The following ATR variants were observed in gnomAD, a reference collection of about 807,000 sequenced individuals.
The protein encoded by ATR is serine/threonine-protein kinase ATR.
ATR carries 142 observed loss-of-function variants against 305.3 expected under a neutral mutation model. The ratio of observed to expected loss-of-function variants is 0.47; its 90% CI spans 0.41 to 0.53. The LOEUF is 0.53. Among genes scored for constraint, ATR ranks in the 20% least tolerant of loss-of-function variants. ATR has a pLI of 0.00. For missense variants in ATR, 2,135 were observed against 3,133.1 expected, an observed-to-expected ratio of 0.68 and a Z score of 7.60; for synonymous variants, 1,050 against 1,068.1, an observed-to-expected ratio of 0.98 and a Z score of 0.33.
intron 10 of ATR, among the ~76,000 whole-genome samples, chr3:142,555,254 G>GA (rs2034624949): frequency 1.5e-5 from 1 of 67,986 alleles, no homozygotes; most frequent in Non-Finnish European, 4.1e-5. Context: ...AAAAAAAAAA[G>GA]AAAAAAAGAA....
chr3:142,496,418 T>C lies in ATR; in HGVS notation c.5841A>G (p.Ala1947=), dbSNP rs1462920081. Residue 1947 remains alanine (A), a synonymous_variant, in exon 34 of 47, where the codon GCA becomes GCG. Transcript: ENST00000350721. The part of the protein sequence containing the change: ...HQTAYNALLN[A]GESRLAELYV... ...ACAGTTCAGCGAGTCGTGATTCCCCTGCATTAAGGAGAGCATTGTAGGCTG... is the reference window on the plus strand; with the variant it reads ...ACAGTTCAGCGAGTCGTGATTCCCCCGCATTAAGGAGAGCATTGTAGGCTG... The C allele has an allele frequency of 2.5e-6, 4 of 1,607,732 alleles. No homozygotes were observed. The highest frequency in any genetic ancestry group is 1.7e-5 in the Admixed American group (1 of 59,318).
chr3:142,489,736 T>C (rs1363149429), intron 35 of ATR, among the ~76,000 whole-genome samples: 1 of 152,188 alleles, frequency 6.6e-6, no homozygotes, highest in East Asian at 1.9e-4. Context: ...CTATTTCCAG[T>C]TTTTGTGACT....
rs1221573502 is a variant in ATR at position 142,513,491 on chromosome 3, T to C, written c.4641+10A>G. The C allele has an allele frequency of 1.2e-6, 2 of 1,613,008 alleles. No individual in the cohort carries two copies. Among genetic ancestry groups the C allele is most frequent in the African/African-American group, 1.3e-5 (1 of 74,906 alleles). On this transcript the variant is annotated intron_variant, in intron 26 of 46. Coordinates refer to ENST00000350721, the MANE Select transcript of ATR (RefSeq NM_001184.4). Reference sequence around the variant, plus strand: ...CATGTTCAAAAACCAAGTAAGATGATTTATCTCACCTCCTGCTGATCTTCT... The same window carrying C: ...CATGTTCAAAAACCAAGTAAGATGACTTATCTCACCTCCTGCTGATCTTCT...
At chr3:142,489,076 C>T (rs960295625) in intron 35 of ATR, among the ~76,000 whole-genome samples, 4 of 152,116 alleles carry the variant, frequency 2.6e-5, no homozygotes, top group Non-Finnish European at 5.9e-5. Context: ...TGGCTCACAA[C>T]TATAATCCCA....
intron 29 of ATR, among the ~76,000 whole-genome samples, chr3:142,504,170 C>T (rs1429964983): frequency 6.6e-6 from 1 of 152,140 alleles, no homozygotes; most frequent in Non-Finnish European, 1.5e-5. Flanking sequence ...AACCCCTTTC[C>T]CATTCCAATA....
intron 3 of ATR, among the ~76,000 whole-genome samples, chr3:142,564,546 C>T (rs1245191370): frequency 6.6e-6 from 1 of 152,172 alleles, no homozygotes; most frequent in African/African-American, 2.4e-5. Flanking sequence ...TGAGTGGTGA[C>T]TCTGTCTCAG....
chr3:142,527,459 GA>G (rs1357977144), intron 21 of ATR, among the ~76,000 whole-genome samples: 2 of 152,160 alleles, frequency 1.3e-5, no homozygotes, highest in East Asian at 3.9e-4. Flanking sequence ...TATATTCCAG[GA>G]AAAGTATACA....
chr3:142,524,142 AC>A lies in ATR; in HGVS notation c.4002del (p.Gln1334HisfsTer3). 6.2e-7 allele frequency: 1 copy of A among 1,614,096 alleles called. No individual in the cohort carries two copies. Among genetic ancestry groups the A allele is most frequent in the Non-Finnish European group, 8.5e-7 (1 of 1,179,978 alleles). On this transcript the variant is annotated frameshift_variant, in exon 22 of 47. Transcript: ENST00000350721. LOFTEE classifies it high-confidence loss of function. The stretch of plus-strand genomic sequence containing the variant: ...CAACCTTTCAAAAGCACTGTCACCA[AC>A]TGTGAGATAATAGGTTCTACTGTTT... ...DSETVEPIIS[Q>X]LVTVLLKGCQ...
chr3:142,520,288 A>C (rs902986386), intron 23 of ATR, among the ~76,000 whole-genome samples: 2 of 152,100 alleles, frequency 1.3e-5, no homozygotes, highest in African/African-American at 4.8e-5. Context: ...AATTAGGCCA[A>C]TTAATGACCC....
rs2071227090 is a variant in ATR at position 142,470,201 on chromosome 3, A to T, written c.6222-18T>A. ...GTAGAGATCTGCAATTATATAGACAAGAAACACTATTAGCATAGCTGTCAT... is the reference window on the plus strand; with the variant it reads ...GTAGAGATCTGCAATTATATAGACATGAAACACTATTAGCATAGCTGTCAT... On this transcript the variant is annotated intron_variant, in intron 36 of 46. Transcript: ENST00000350721. 6.5e-7 allele frequency: 1 copy of T among 1,533,952 alleles called. No individual in the cohort carries two copies. Among genetic ancestry groups the T allele is most frequent in the South Asian group, 1.1e-5 (1 of 88,882 alleles).
At chr3:142,477,127 C>A (rs2029898889) in intron 36 of ATR, among the ~76,000 whole-genome samples, 1 of 152,166 alleles carries the variant, frequency 6.6e-6, no homozygotes, top group Admixed American at 6.6e-5. Context: ...ACTTCCAACA[C>A]TATGTTGAAT....
At chr3:142,564,902 C>T (rs956963131) in intron 3 of ATR, among the ~76,000 whole-genome samples, 1 of 152,032 alleles carries the variant, frequency 6.6e-6, no homozygotes, top group Admixed American at 6.6e-5. Flanking sequence ...CAGGCATGTG[C>T]CACCATGTTC....
chr3:142,545,821 G>A (rs1286951279), intron 16 of ATR, among the ~76,000 whole-genome samples: 1 of 152,164 alleles, frequency 6.6e-6, no homozygotes, highest in East Asian at 1.9e-4. Flanking sequence ...TGCTTCTCAG[G>A]TTTTGTCTCA....
intron 2 of ATR, among the ~76,000 whole-genome samples, chr3:142,567,516 C>A (rs1011700562): frequency 1.3e-5 from 2 of 152,298 alleles, no homozygotes; most frequent in Middle Eastern, 3.4e-3. Context: ...AGCCTAATGC[C>A]ATTTTATATT....
Position 142,563,060 on chromosome 3 carries a change from G to A in ATR, c.342C>T (p.Pro114=). 4 of 1,601,074 alleles carry A rather than the reference G, an allele frequency of 2.5e-6. No individual in the cohort carries two copies. In the South Asian group the frequency reaches 4.6e-5, roughly 18 times the overall value. ...TTTTCTTGTGTAACAAATGACAGGA[G>A]GGAGTTGCTGCAATCCGCAGAAGTC... The part of the protein sequence containing the change: ...ITRLLRIAAT[P]SCHLLHKKIC... The change falls in exon 4 of 47, where the codon CCC becomes CCT. Residue 114 remains proline (P), a synonymous_variant. Transcript: ENST00000350721.
In ATR at chr3:142,496,506, T is replaced by A; in HGVS notation, c.5753A>T (p.Glu1918Val). 1 of 1,609,872 alleles carries A rather than the reference T, an allele frequency of 6.2e-7. No homozygotes were observed. Among genetic ancestry groups the A allele is most frequent in the Non-Finnish European group, 8.5e-7 (1 of 1,178,082 alleles). ...CTGCAGCCAGCATTCTCCAACCATT[T>A]CATTGTAATCTGGTCTAAAGGAAGT... ...LSLNKRPDYN[E>V]MVGECWLQSA... is the part of the protein sequence containing the mutation. The change falls in exon 34 of 47, where the codon GAA (glutamate) becomes GTA (valine). Residue 1918 changes from glutamate to valine, a missense_variant. Glu to Val is a moderately radical substitution (Grantham distance 121). This residue lies in a region of ATR where 30 missense variants were observed against 26.7 expected (regional missense o/e 1.12). Transcript: ENST00000350721.
At chr3:142,473,800 C>T (rs1339045388) in intron 36 of ATR, among the ~76,000 whole-genome samples, 1 of 151,946 alleles carries the variant, frequency 6.6e-6, no homozygotes, top group Non-Finnish European at 1.5e-5. Flanking sequence ...CCCACCTCAG[C>T]CTCGCTATGA....
At chr3:142,457,809 TTACTC>T (rs2108257913) in intron 44 of ATR, 54 bp from the exon 45 acceptor site, 1 of 1,590,076 alleles carries the variant, frequency 6.3e-7, no homozygotes, top group East Asian at 2.2e-5. Context: ...TTAAAAATCT[TTACTC>T]AAAGAACTTC....
intron 24 of ATR, among the ~76,000 whole-genome samples, chr3:142,517,823 CCAAAAA>C (rs1158473875): frequency 6.6e-6 from 1 of 152,070 alleles, no homozygotes; most frequent in Non-Finnish European, 1.5e-5. Context: ...AATTCTCCCC[CCAAAAA>C]CAAAGAACTT....
Sources: gnomAD v4.1 joint callset for allele counts (sites outside exome capture counted in the v4.1 genomes callset) on GRCh38, gnomAD v4.1.1 for gene constraint, gnomAD v4.1.1 regional missense constraint, MANE v1.5 for transcripts, NCBI Gene and HGNC (gene_info 2026-07-23, HGNC 2026-07-21) for gene names.